Variants in PMM2 observed in about 807,000 individuals in gnomAD.
PMM2 encodes mannose-6-phosphate isomerase.
Under a neutral mutation model 33.2 loss-of-function variants are expected in PMM2, and 35 were observed. The ratio of observed to expected loss-of-function variants is 1.06; its 90% CI spans 0.81 to 1.40. The LOEUF is 1.40. Among genes scored for constraint, PMM2 ranks in the 40% most tolerant of loss-of-function variants. PMM2 has a pLI of 0.00. For synonymous variants in PMM2, 153 were observed against 114.7 expected, an observed-to-expected ratio of 1.33 and a Z score of -2.13; for missense variants, 386 against 306.0, an observed-to-expected ratio of 1.26 and a Z score of -1.95.
chr16:8,837,516 C>G (rs1416949335), intron 7 of PMM2, among the ~76,000 whole-genome samples: 1 of 149,204 alleles, frequency 6.7e-6, no homozygotes, highest in Non-Finnish European at 1.5e-5. Flanking sequence ...AGTAGAGACA[C>G]GGAGAAGGGG....
chr16:8,819,829 C>G (rs2060727950), intron 7 of PMM2, among the ~76,000 whole-genome samples: 1 of 152,150 alleles, frequency 6.6e-6, no homozygotes, highest in African/African-American at 2.4e-5. Flanking sequence ...CCAGGGGAGA[C>G]AGCAGCATCC....
chr16:8,801,603 T>G (rs1000638658), intron 1 of PMM2, among the ~76,000 whole-genome samples, 196 bp from the exon 2 acceptor site: 5 of 151,828 alleles, frequency 3.3e-5, no homozygotes, highest in Non-Finnish European at 7.4e-5. Flanking sequence ...TCCAGGGAGG[T>G]CGAGGCTGCG....
At chr16:8,804,686 TG>T in intron 2 of PMM2, 80 bp from the exon 3 acceptor site, 1 of 893,524 alleles carries the variant, frequency 1.1e-6, no homozygotes, top group East Asian at 2.5e-5. Flanking sequence ...GCGGTTTTAT[TG>T]GTGGTCATTG....
At chr16:8,845,769 C>T (rs2060921609) in intron 7 of PMM2, among the ~76,000 whole-genome samples, 1 of 150,938 alleles carries the variant, frequency 6.6e-6, no homozygotes, top group Non-Finnish European at 1.5e-5. Flanking sequence ...GTGACTTTTA[C>T]CCACTGTGCC....
At chr16:8,845,079 ATG>A (rs2060916421) in intron 7 of PMM2, among the ~76,000 whole-genome samples, 1 of 152,226 alleles carries the variant, frequency 6.6e-6, no homozygotes, top group African/African-American at 2.4e-5. Context: ...TGTGAGCAAC[ATG>A]GCTGTTTATT....
At chr16:8,827,851 A>ATGT in intron 7 of PMM2, among the ~76,000 whole-genome samples, 1 of 102,722 alleles carries the variant, frequency 9.7e-6, no homozygotes, top group African/African-American at 4.0e-5. Flanking sequence ...AATATATAAT[A>ATGT]TATATGTTAT....
chr16:8,826,172 C>T (rs1262754165), intron 7 of PMM2, among the ~76,000 whole-genome samples: 1 of 152,096 alleles, frequency 6.6e-6, no homozygotes, highest in East Asian at 1.9e-4. Context: ...AGCTTGCTCA[C>T]ACACAGAGTT....
At chr16:8,828,086 A>T (rs2060788837) in intron 7 of PMM2, among the ~76,000 whole-genome samples, 1 of 129,592 alleles carries the variant, frequency 7.7e-6, no homozygotes, top group Non-Finnish European at 1.6e-5. Flanking sequence ...GACTCTAGCC[A>T]GGATAGACAG....
chr16:8,837,122 G>A (rs1487569468), intron 7 of PMM2, among the ~76,000 whole-genome samples: 2 of 151,878 alleles, frequency 1.3e-5, no homozygotes, highest in African/African-American at 4.8e-5. Flanking sequence ...CGACGCTTGG[G>A]GTTGCGACTG....
chr16:8,841,067 G>A (rs1041943550), intron 7 of PMM2, among the ~76,000 whole-genome samples: 3 of 152,048 alleles, frequency 2.0e-5, no homozygotes, highest in Admixed American at 1.3e-4. Flanking sequence ...TCTGAGAAGA[G>A]CAAGAAGTAA....
chr16:8,848,105 C>T lies in PMM2; in HGVS notation c.*280C>T, dbSNP rs1042490597. On this transcript the variant is annotated 3_prime_UTR_variant, in exon 8 of 8. Coordinates refer to ENST00000268261, the MANE Select transcript of PMM2 (RefSeq NM_000303.3). ...AGTCTAATACCCACCCTGATACGTG[C>T]AATCATGTAGTTTTGGCGGAAATTT... 4.6e-6 allele frequency: 2 copies of T among 430,232 alleles called. No homozygotes were observed. The highest frequency in any genetic ancestry group is 8.6e-6 in the Non-Finnish European group (2 of 232,392). 26.7% of individuals were successfully genotyped at this position (430,232 alleles called of 1,614,324 possible).
rs1283387859 is a variant in PMM2 at position 8,848,842 on chromosome 16, C to G, written c.*1017C>G. ...TTACCACGGAGGCGGCTGAGTGCAG[C>G]TACAGCTAGGTCCGCGTCCCTCACT... On this transcript the variant is annotated 3_prime_UTR_variant, in exon 8 of 8. Coordinates refer to ENST00000268261, the MANE Select transcript of PMM2 (RefSeq NM_000303.3). The G allele has an allele frequency of 6.6e-6, 1 of 152,300 alleles. No individual in the cohort carries two copies. The highest frequency in any genetic ancestry group is 2.4e-5 in the African/African-American group (1 of 41,470). The allele number at this position is 152,300 out of a possible 1,614,324, so 9.4% of individuals were successfully genotyped here. A position where few individuals can be genotyped will look rare whatever the true frequency, so the allele number is the denominator to read the frequency against.
chr16:8,805,526 T>C (rs904391390), intron 3 of PMM2, among the ~76,000 whole-genome samples: 1 of 152,218 alleles, frequency 6.6e-6, no homozygotes, highest in African/African-American at 2.4e-5. Context: ...AGCCTGGCTT[T>C]AAATCTATTA....
chr16:8,816,674 G>C lies in PMM2; in HGVS notation c.639+3568G>C, dbSNP rs559144414. The stretch of plus-strand genomic sequence containing the variant: ...GAGAATTGCTTGAACCCGGGAGGTG[G>C]AGGTTGCAGTGAGCTGAGATTGTGC... On this transcript the variant is annotated intron_variant, in intron 7 of 7. Coordinates refer to ENST00000268261, the MANE Select transcript of PMM2 (RefSeq NM_000303.3). Among the ~76,000 whole-genome samples the C allele has an allele frequency of 4.6e-5, 7 of 152,232 alleles. No homozygotes were observed. In the East Asian group the frequency reaches 9.7e-4, roughly 21 times the overall value.
intron 7 of PMM2, among the ~76,000 whole-genome samples, chr16:8,841,073 A>G (rs924323756): frequency 6.6e-6 from 1 of 152,064 alleles, no homozygotes; most frequent in Non-Finnish European, 1.5e-5. Context: ...AAGAGCAAGA[A>G]GTAAAAGTAC....
intron 7 of PMM2, among the ~76,000 whole-genome samples, chr16:8,838,661 A>T (rs2060868572): frequency 2.0e-5 from 3 of 151,952 alleles, no homozygotes; most frequent in Admixed American, 2.0e-4. Context: ...ACAGTTTTGG[A>T]TGAATTGAGA....
chr16:8,835,556 A>C (rs1240935811), intron 7 of PMM2, among the ~76,000 whole-genome samples: 1 of 152,028 alleles, frequency 6.6e-6, no homozygotes, highest in African/African-American at 2.4e-5. Context: ...GGTATTGAGG[A>C]CAGGAGAGTA....
At chr16:8,801,511 A>G (rs1054615601) in intron 1 of PMM2, among the ~76,000 whole-genome samples, 3 of 152,262 alleles carry the variant, frequency 2.0e-5, no homozygotes, top group Middle Eastern at 3.4e-3. Context: ...TCTCTACAAA[A>G]TATAAAAAAA....
chr16:8,812,640 TG>T (rs555772849), intron 6 of PMM2, among the ~76,000 whole-genome samples: 57 of 152,296 alleles, frequency 3.7e-4, no homozygotes, highest in African/African-American at 1.2e-3. Flanking sequence ...CCTGAGGGTG[TG>T]TTAAAGCCCG....
Sources: allele counts gnomAD v4.1 joint callset (sites outside exome capture counted in the v4.1 genomes callset), GRCh38; gene constraint gnomAD v4.1.1; transcripts MANE v1.5; gene names NCBI Gene and HGNC (gene_info 2026-07-23, HGNC 2026-07-21).